Variants in TRIM44 observed in about 807,000 individuals in gnomAD.
TRIM44 encodes tripartite motif-containing protein 44.
A neutral mutation model predicts 37.4 loss-of-function variants in TRIM44; 13 were observed. The ratio of observed to expected loss-of-function variants is 0.35; its 90% CI spans 0.23 to 0.55. The LOEUF is 0.55. TRIM44 is among the 20% of genes least tolerant of loss of function. The probability of loss-of-function intolerance (pLI) is 0.89; values close to 1 mark genes in which losing one functional copy is unlikely to be tolerated. For synonymous variants in TRIM44, 175 were observed against 157.2 expected (o/e 1.11, Z -0.85); for missense variants, 426 against 437.2 (o/e 0.97, Z 0.23).
chr11:35,695,781 T>G (rs1311934513), intron 2 of TRIM44, among the ~76,000 whole-genome samples: 1 of 152,116 alleles, frequency 6.6e-6, no homozygotes, highest in East Asian at 1.9e-4. Flanking sequence ...ATAACCACAG[T>G]TATGATTAAT....
chr11:35,775,081 T>C (rs1052580432), intron 4 of TRIM44, among the ~76,000 whole-genome samples: 1 of 152,248 alleles, frequency 6.6e-6, no homozygotes, highest in Non-Finnish European at 1.5e-5. Context: ...TTTCATGATA[T>C]TGATTCTTCC....
chr11:35,727,932 T>G (rs1852202717), intron 3 of TRIM44, among the ~76,000 whole-genome samples: 1 of 152,262 alleles, frequency 6.6e-6, no homozygotes, highest in Admixed American at 6.5e-5. Context: ...CAACCAGAGT[T>G]AATTCAAGGG....
chr11:35,754,747 A>G (rs1242202199), intron 4 of TRIM44, among the ~76,000 whole-genome samples: 27 of 147,714 alleles, frequency 1.8e-4, no homozygotes, highest in African/African-American at 6.5e-4. Flanking sequence ...GAGTGAGAAC[A>G]TGCGGTGTTT....
chr11:35,665,857 G>A (rs1461125042), intron 1 of TRIM44, among the ~76,000 whole-genome samples: 1 of 151,406 alleles, frequency 6.6e-6, no homozygotes, highest in Non-Finnish European at 1.5e-5. Context: ...CAAAGTGTTG[G>A]GATTATAGGT....
chr11:35,694,565 T>C (rs953119692), intron 2 of TRIM44, among the ~76,000 whole-genome samples: 1 of 152,026 alleles, frequency 6.6e-6, no homozygotes, highest in African/African-American at 2.4e-5. Flanking sequence ...GTTTTGTTCA[T>C]AGAAGCATAA....
chr11:35,770,035 T>C (rs1194969361), intron 4 of TRIM44, among the ~76,000 whole-genome samples: 2 of 152,158 alleles, frequency 1.3e-5, no homozygotes, highest in Non-Finnish European at 2.9e-5. Flanking sequence ...TAGTACCTAA[T>C]AGTTTTTCAA....
chr11:35,803,987 GAAA>G (rs201464930), intron 4 of TRIM44, among the ~76,000 whole-genome samples: 7 of 118,098 alleles, frequency 5.9e-5, no homozygotes, highest in Admixed American at 8.5e-5. Context: ...GTTCTGGGAA[GAAA>G]AAAAAAAAAA....
chr11:35,767,301 T>C (rs1852810683), intron 4 of TRIM44, among the ~76,000 whole-genome samples: 1 of 152,176 alleles, frequency 6.6e-6, no homozygotes, highest in South Asian at 2.1e-4. Flanking sequence ...GGACCACAAA[T>C]GTGATTTAAC....
At chr11:35,750,332 G>T (rs945347030) in intron 4 of TRIM44, among the ~76,000 whole-genome samples, 2 of 152,112 alleles carry the variant, frequency 1.3e-5, no homozygotes, top group Admixed American at 1.3e-4. Context: ...TAAAGGATCG[G>T]CAGCCTACTA....
chr11:35,764,998 A>G (rs1260428747), intron 4 of TRIM44, among the ~76,000 whole-genome samples: 4 of 152,204 alleles, frequency 2.6e-5, no homozygotes, highest in Middle Eastern at 3.4e-3. Context: ...AAACTTTTCA[A>G]CTGGAAAGTA....
intron 4 of TRIM44, among the ~76,000 whole-genome samples, chr11:35,763,995 G>A (rs1362351194): frequency 6.6e-6 from 1 of 152,140 alleles, no homozygotes; most frequent in Non-Finnish European, 1.5e-5. Context: ...TGTTAGCCAG[G>A]AGGTCTGTTT....
At chr11:35,767,600 G>A (rs1852814808) in intron 4 of TRIM44, among the ~76,000 whole-genome samples, 3 of 151,524 alleles carry the variant, frequency 2.0e-5, no homozygotes, top group South Asian at 4.2e-4. Context: ...GGGAAAAAAA[G>A]TTGTATATAT....
chr11:35,782,490 T>C (rs1471932337), intron 4 of TRIM44, among the ~76,000 whole-genome samples: 1 of 152,160 alleles, frequency 6.6e-6, no homozygotes, highest in Non-Finnish European at 1.5e-5. Context: ...GAGTGACATC[T>C]GGCTTTGGTT....
rs372038655 is a variant in TRIM44, at chr11:35,699,426, T to C, written c.747+14090T>C. Among the ~76,000 whole-genome samples the C allele has an allele frequency of 1.4e-4, 22 of 152,212 alleles. No homozygotes were observed. The East Asian group carries it at 1.7e-3, about 12-fold the overall frequency. On this transcript the variant is annotated intron_variant, in intron 2 of 4. Transcript: ENST00000299413. Reference sequence around the variant, plus strand: ...AACCCTTCATGCTGAAAACTCTCAATAAATTAGGTATTGATGGGACGTATC... The same window carrying C: ...AACCCTTCATGCTGAAAACTCTCAACAAATTAGGTATTGATGGGACGTATC...
At chr11:35,725,123 TACAG>T (rs1852157869) in intron 2 of TRIM44, among the ~76,000 whole-genome samples, 3 of 150,574 alleles carry the variant, frequency 2.0e-5, no homozygotes, top group African/African-American at 7.4e-5. Context: ...CTCCATATCA[TACAG>T]ATAGTAAAAA....
chr11:35,674,645 T>C (rs1245646334), intron 1 of TRIM44, among the ~76,000 whole-genome samples: 1 of 152,228 alleles, frequency 6.6e-6, no homozygotes, highest in Non-Finnish European at 1.5e-5. Context: ...TATAGCTGGC[T>C]TTCATTTTAG....
intron 2 of TRIM44, among the ~76,000 whole-genome samples, chr11:35,708,558 T>C (rs939223733): frequency 3.3e-5 from 5 of 151,678 alleles, no homozygotes; most frequent in Admixed American, 1.3e-4. Flanking sequence ...GTGGCACATA[T>C]ACACCATGGA....
rs1483581225 is a variant in TRIM44 at position 35,663,292 on chromosome 11, G to A, written c.181G>A (p.Val61Ile). The A allele has an allele frequency of 1.2e-6, 2 of 1,614,088 alleles. No individual in the cohort carries two copies. The highest frequency in any genetic ancestry group is 1.7e-5 in the Admixed American group (1 of 60,030). Residue 61 changes from valine to isoleucine, a missense_variant, in exon 1 of 5, where the codon GTC becomes ATC. Transcript: ENST00000299413. ...CCTCAGTCACCATCTGGCCGAATACGTCCACGGCTCCCAGGCCTGGACCCC... is the reference window on the plus strand; with the variant it reads ...CCTCAGTCACCATCTGGCCGAATACATCCACGGCTCCCAGGCCTGGACCCC... ...KFLSHHLAEY[V>I]HGSQAWTPPA...
At chr11:35,704,716 G>A (rs1851849034) in intron 2 of TRIM44, among the ~76,000 whole-genome samples, 1 of 152,172 alleles carries the variant, frequency 6.6e-6, no homozygotes, top group Admixed American at 6.5e-5. Flanking sequence ...AATGCTGAGA[G>A]ATTTTGTCAC....
Sources: allele counts gnomAD v4.1 joint callset (sites outside exome capture counted in the v4.1 genomes callset), GRCh38; gene constraint gnomAD v4.1.1; transcripts MANE v1.5; gene names NCBI Gene and HGNC (gene_info 2026-07-23, HGNC 2026-07-21).